FBXO21: variants seen among roughly 807,000 people sequenced by gnomAD.
FBXO21 encodes the protein F-box only protein 21.
FBXO21 carries 32 observed loss-of-function variants against 76.6 expected under a neutral mutation model. The ratio of observed to expected loss-of-function variants is 0.42; its 90% CI spans 0.32 to 0.56. The LOEUF (loss-of-function observed/expected upper bound fraction) is 0.56, where lower values mean the gene tolerates loss of function less well. Among genes scored for constraint, FBXO21 ranks in the 20% least tolerant of loss-of-function variants. The pLI, the probability that FBXO21 is intolerant of heterozygous loss-of-function variation, is 0.16. For synonymous variants in FBXO21, 328 were observed against 311.5 expected (o/e 1.05, Z -0.56); for missense variants, 586 against 797.3 (o/e 0.73, Z 3.19).
At position 117,167,025 on chromosome 12, in the gene FBXO21, T is replaced by C; in HGVS notation, c.1066A>G (p.Lys356Glu). ...TCGCATTCTTTCACTGTCAGCTGCT[T>C]GCCTTTCCCAAAAGCATCTATGTAG... Reference protein sequence around the residue: ...YIYIDAFGKGKQLTVKECEYL... With the variant: ...YIYIDAFGKGEQLTVKECEYL... Residue 356 changes from lysine (K) to glutamate (E), a missense_variant, in exon 8 of 12, where the codon AAG (lysine) becomes GAG (glutamate). This residue lies in a region of FBXO21 where 246 missense variants were observed against 356.8 expected (regional missense o/e 0.69). Coordinates refer to ENST00000622495, the MANE Select transcript of FBXO21 (RefSeq NM_015002.3). 6.2e-7 allele frequency: 1 copy of C among 1,614,160 alleles called. No individual in the cohort carries two copies. Among genetic ancestry groups the C allele is most frequent in the Non-Finnish European group, 8.5e-7 (1 of 1,180,028 alleles).
rs1416193066 is a variant in FBXO21, at chr12:117,177,601, A to G, written c.511T>C (p.Tyr171His). 2 of 1,613,924 alleles carry G rather than the reference A, an allele frequency of 1.2e-6. No homozygotes were observed. Among genetic ancestry groups the G allele is most frequent in the East Asian group, 2.2e-5 (1 of 44,858 alleles). Residue 171 changes from tyrosine (Y) to histidine (H), a missense_variant, in exon 4 of 12, where the codon TAC (tyrosine) becomes CAC (histidine). Around this residue, in one of 6 missense-constraint regions of FBXO21, gnomAD observed 246 missense variants for 356.8 expected, o/e 0.69. Transcript: ENST00000622495. ...AAGATCTTCTGTTGCCGCAGGTAGT[A>G]AAGAATTTTTTTTGCGTAGTATTTC... ...TWKYYAKKIL[Y>H]YLRQQKILNN...
At chr12:117,174,478 C>A in intron 5 of FBXO21, 137 bp from the exon 6 acceptor site, 2 of 1,194,244 alleles carry the variant, frequency 1.7e-6, no homozygotes, top group East Asian at 2.4e-5. Context: ...AAGCAGAAGG[C>A]AGTATGTATT....
In FBXO21 at chr12:117,146,396, A is replaced by G. The variant is rs1955771010; in HGVS notation, c.1676-119T>C. 3 of 764,052 alleles carry G rather than the reference A, an allele frequency of 3.9e-6. No individual in the cohort carries two copies. In the African/African-American group the frequency reaches 5.2e-5, roughly 13 times the overall value. 47.3% of individuals were successfully genotyped at this position (764,052 alleles called of 1,614,324 possible). On this transcript the variant is annotated intron_variant, in intron 11 of 11. Coordinates refer to ENST00000622495, the MANE Select transcript of FBXO21 (RefSeq NM_015002.3). ...GCATTTTTGGGGTGGAGAAGGGAAG[A>G]CTGAAGATGTTTATGGAGTCAGGAG...
intron 11 of FBXO21, chr12:117,155,432 AG>A (rs1955903016): frequency 8.8e-6 from 2 of 227,902 alleles, no homozygotes; most frequent in Non-Finnish European, 8.9e-6. Context: ...AGGGAGCACT[AG>A]GGGGCCCCCA....
chr12:117,146,888 T>C (rs181960814), intron 11 of FBXO21, among the ~76,000 whole-genome samples: 5 of 152,316 alleles, frequency 3.3e-5, no homozygotes, highest in Non-Finnish European at 1.5e-5. Context: ...TTATTATCTG[T>C]ACCATCTCTT....
At chr12:117,179,021 T>A (rs1251490672) in intron 3 of FBXO21, among the ~76,000 whole-genome samples, 1 of 152,092 alleles carries the variant, frequency 6.6e-6, no homozygotes, top group African/African-American at 2.4e-5. Context: ...ATATCCCAAA[T>A]ACATATGGGG....
At chr12:117,172,785 A>G (rs1363818866) in intron 6 of FBXO21, among the ~76,000 whole-genome samples, 178 bp from the exon 7 acceptor site, 1 of 152,212 alleles carries the variant, frequency 6.6e-6, no homozygotes, top group Non-Finnish European at 1.5e-5. Flanking sequence ...TGGCAATTCC[A>G]GTCCACCGGC....
chr12:117,159,378 C>G (rs1955952027), intron 9 of FBXO21, among the ~76,000 whole-genome samples: 1 of 151,714 alleles, frequency 6.6e-6, no homozygotes. Flanking sequence ...AAGTGACTTT[C>G]CCGGGGTCAC....
chr12:117,181,576 G>A (rs893788326), intron 3 of FBXO21, among the ~76,000 whole-genome samples: 3 of 128,188 alleles, frequency 2.3e-5, no homozygotes, highest in African/African-American at 3.5e-5. Context: ...TCTATCGATC[G>A]ATCGATCTAT....
At chr12:117,179,099 T>C (rs578174521) in intron 3 of FBXO21, among the ~76,000 whole-genome samples, 2 of 152,292 alleles carry the variant, frequency 1.3e-5, no homozygotes, top group East Asian at 3.9e-4. Flanking sequence ...AACAAACAAC[T>C]TGCCAATCTT....
At chr12:117,153,915 T>C (rs1014223492) in intron 11 of FBXO21, among the ~76,000 whole-genome samples, 3 of 152,236 alleles carry the variant, frequency 2.0e-5, no homozygotes, top group Non-Finnish European at 4.4e-5. Flanking sequence ...CATGTTTACC[T>C]AGATATGATT....
At chr12:117,168,232 T>TA (rs1319313498) in intron 7 of FBXO21, among the ~76,000 whole-genome samples, 1 of 152,168 alleles carries the variant, frequency 6.6e-6, no homozygotes, top group Non-Finnish European at 1.5e-5. Context: ...AACCTACCCT[T>TA]AGCAAGGATA....
In FBXO21 at chr12:117,143,840, TGAAGA is replaced by T. The variant is rs1955739823; in HGVS notation, c.*2242_*2246del. 1 of 152,670 alleles carries T rather than the reference TGAAGA, an allele frequency of 6.6e-6. No homozygotes were observed. The highest frequency in any genetic ancestry group is 1.5e-5 in the Non-Finnish European group (1 of 68,048). 9.5% of individuals were successfully genotyped at this position (152,670 alleles called of 1,614,324 possible). A position where few individuals can be genotyped will look rare whatever the true frequency, so the allele number is the denominator to read the frequency against. On this transcript the variant is annotated 3_prime_UTR_variant, in exon 12 of 12. Coordinates refer to ENST00000622495, the MANE Select transcript of FBXO21 (RefSeq NM_015002.3). The stretch of plus-strand genomic sequence containing the variant: ...GTACAAAAAAATCTTGGCATTCATT[TGAAGA>T]GAAAAGAAGTTGCTATATCCAAATA...
chr12:117,145,967 T>C lies in FBXO21; in HGVS notation c.*120A>G, dbSNP rs367549767. ...CTTAGTAGGAGGCAACCAGCACTAC[T>C]GGTGGAGTGGCTTTCCTGGTGCAGC... On this transcript the variant is annotated 3_prime_UTR_variant, in exon 12 of 12. Coordinates refer to ENST00000622495, the MANE Select transcript of FBXO21 (RefSeq NM_015002.3). 27 of 710,050 alleles carry C rather than the reference T, an allele frequency of 3.8e-5. No individual in the cohort carries two copies. Among genetic ancestry groups the C allele is most frequent in the African/African-American group, 2.0e-4 (11 of 55,688 alleles). The allele number at this position is 710,050 out of a possible 1,614,324, so 44.0% of individuals were successfully genotyped here.
At position 117,190,343 on chromosome 12, in the gene FBXO21, C is replaced by T. The variant is rs532326639; in HGVS notation, c.114G>A (p.Leu38=). 50 of 1,541,122 alleles carry T rather than the reference C, an allele frequency of 3.2e-5. No individual in the cohort carries two copies. In the Middle Eastern group the frequency reaches 5.3e-4, roughly 16 times the overall value. ...SCLVNLPGEV[L]EYILCCGSLT... ...GCGAGCCGCAGCACAGGATGTACTC[C>T]AGCACCTCACCCGGCAGGTTGACGA... Residue 38 remains leucine (L), a synonymous_variant, in exon 1 of 12, where the codon CTG becomes CTA. Coordinates refer to ENST00000622495, the MANE Select transcript of FBXO21 (RefSeq NM_015002.3).
rs1221250821 is a variant in FBXO21, at chr12:117,143,564, AC to A, written c.*2522del. The A allele has an allele frequency of 1.3e-5, 2 of 152,266 alleles. No individual in the cohort carries two copies. Among genetic ancestry groups the A allele is most frequent in the Non-Finnish European group, 2.9e-5 (2 of 68,048 alleles). The allele number at this position is 152,266 out of a possible 1,614,324, so 9.4% of individuals were successfully genotyped here. A position where few individuals can be genotyped will look rare whatever the true frequency, so the allele number is the denominator to read the frequency against. On this transcript the variant is annotated 3_prime_UTR_variant, in exon 12 of 12. Transcript: ENST00000622495. ...ATTCAGAAAGTGCAATCTTTGCATG[AC>A]AACCAGATAATTCTCAAAGGTTACT...
Position 117,190,460 on chromosome 12 carries a change from G to T in FBXO21, c.-4C>A, listed in dbSNP as rs1365897255. On this transcript the variant is annotated 5_prime_UTR_variant, in exon 1 of 12. Coordinates refer to ENST00000622495, the MANE Select transcript of FBXO21 (RefSeq NM_015002.3). Reference sequence around the variant, plus strand: ...TGTCGACTGCTGCCGCCGCCATCTTGTCCGCGTACCTGGGGCCGCCGCGCG... The same window carrying T: ...TGTCGACTGCTGCCGCCGCCATCTTTTCCGCGTACCTGGGGCCGCCGCGCG... 1 of 1,301,266 alleles carries T rather than the reference G, an allele frequency of 7.7e-7. No individual in the cohort carries two copies. The highest frequency in any genetic ancestry group is 1.0e-6 in the Non-Finnish European group (1 of 970,926). 80.6% of individuals were successfully genotyped at this position (1,301,266 alleles called of 1,614,324 possible). A position where few individuals can be genotyped will look rare whatever the true frequency, so the allele number is the denominator to read the frequency against.
intron 7 of FBXO21, among the ~76,000 whole-genome samples, chr12:117,172,126 G>C (rs1956123851): frequency 6.6e-6 from 1 of 152,056 alleles, no homozygotes; most frequent in Admixed American, 6.6e-5. Flanking sequence ...TGGAACAAAG[G>C]GACTCTGAGA....
intron 3 of FBXO21, among the ~76,000 whole-genome samples, chr12:117,182,443 T>C (rs1238566194): frequency 6.6e-6 from 1 of 151,976 alleles, no homozygotes; most frequent in Non-Finnish European, 1.5e-5. Flanking sequence ...GAGCCATGAT[T>C]GCACCACTGT....
Sources: gnomAD v4.1 joint callset for allele counts (sites outside exome capture counted in the v4.1 genomes callset) on GRCh38, gnomAD v4.1.1 for gene constraint, gnomAD v4.1.1 regional missense constraint, MANE v1.5 for transcripts, NCBI Gene and HGNC (gene_info 2026-07-23, HGNC 2026-07-21) for gene names.